KLHDC4: variants seen among roughly 807,000 people sequenced by gnomAD.
KLHDC4 encodes kelch domain containing 4.
In KLHDC4, 90 loss-of-function variants were observed where a neutral mutation model predicts 62.4. The observed-to-expected ratio is 1.44, with a 90% CI of 1.22 to 1.72. The LOEUF (loss-of-function observed/expected upper bound fraction) is 1.72, where lower values mean the gene tolerates loss of function less well. Ranked by LOEUF, KLHDC4 falls within the 40% of genes most tolerant of loss-of-function variation. The pLI is 0.00. For missense variants in KLHDC4, 1,025 were observed against 699.7 expected, an observed-to-expected ratio of 1.47 and a Z score of -5.25; for synonymous variants, 386 against 284.4, an observed-to-expected ratio of 1.36 and a Z score of -3.59.
chr16:87,711,415 A>T lies in KLHDC4; in HGVS notation c.864T>A (p.Pro288=). 2 of 1,612,822 alleles carry T rather than the reference A, an allele frequency of 1.2e-6. No individual in the cohort carries two copies. The highest frequency in any genetic ancestry group is 1.7e-6 in the Non-Finnish European group (2 of 1,179,952). ...ACCGTGGGGTGGGCTTGACCCCCGAAGGGTTCATCCGAGTCCAAACCCACT... is the reference window on the plus strand; with the variant it reads ...ACCGTGGGGTGGGCTTGACCCCCGATGGGTTCATCCGAGTCCAAACCCACT... The part of the protein sequence containing the change: ...EDKWVWTRMN[P]SGVKPTPRSG... Residue 288 remains proline, a synonymous_variant, in exon 9 of 12, where the codon CCT becomes CCA. Transcript: ENST00000270583.
chr16:87,705,031 C>A (rs942789838), downstream of KLHDC4, among the ~76,000 whole-genome samples: 1 of 152,106 alleles, frequency 6.6e-6, no homozygotes, highest in Non-Finnish European at 1.5e-5. Flanking sequence ...CAGAGTGCCT[C>A]CCCTGGTACG....
downstream of KLHDC4, chr16:87,707,705 C>T (rs1398717128): frequency 4.2e-6 from 1 of 238,568 alleles, no homozygotes; most frequent in Non-Finnish European, 8.5e-6. Flanking sequence ...AGGTTCCACC[C>T]TCCAGTGTGG....
chr16:87,765,775 C>T lies in KLHDC4; in HGVS notation c.99+17G>A. 1 of 1,564,618 alleles carries T rather than the reference C, an allele frequency of 6.4e-7. No homozygotes were observed. Among genetic ancestry groups the T allele is most frequent in the East Asian group, 2.4e-5 (1 of 42,552 alleles). ...GGCCGCGACGTCGGGCCGCTAAGCCCGGTCTGACCCGCTCACCTCCTCCTT... is the reference window on the plus strand; with the variant it reads ...GGCCGCGACGTCGGGCCGCTAAGCCTGGTCTGACCCGCTCACCTCCTCCTT... On this transcript the variant is annotated intron_variant, in intron 1 of 11. Coordinates refer to ENST00000270583, the MANE Select transcript of KLHDC4 (RefSeq NM_017566.4).
chr16:87,710,003 C>T (rs2035468743), intron 9 of KLHDC4: 1 of 292,878 alleles, frequency 3.4e-6, no homozygotes, highest in African/African-American at 2.1e-5. Context: ...GGCTCCGACG[C>T]TCACCCTGGG....
rs1171679781 is a variant in KLHDC4 at position 87,709,374 on chromosome 16, G to A, written c.1338C>T (p.Val446=). The change falls in exon 10 of 12, where the codon GTC becomes GTT. Residue 446 remains valine, a synonymous_variant. Transcript: ENST00000270583. ...MLAVKHGVLY[V]YGGMFEAGDR... Reference sequence around the variant, plus strand: ...CGCCGGCCTCAAACATGCCCCCATAGACGTAGAGCACCCCATGCTTCACAG... The same window carrying A: ...CGCCGGCCTCAAACATGCCCCCATAAACGTAGAGCACCCCATGCTTCACAG... The A allele has an allele frequency of 2.5e-6, 4 of 1,613,502 alleles. No individual in the cohort carries two copies. Among genetic ancestry groups the A allele is most frequent in the Admixed American group, 3.3e-5 (2 of 60,028 alleles).
intron 4 of KLHDC4, among the ~76,000 whole-genome samples, chr16:87,751,466 T>G (rs1406238662): frequency 1.4e-5 from 2 of 143,304 alleles, no homozygotes; most frequent in Non-Finnish European, 3.0e-5. Flanking sequence ...AGAGCAAGAC[T>G]TCATCTCAAA....
At chr16:87,712,061 C>T (rs2035992321) in intron 8 of KLHDC4, among the ~76,000 whole-genome samples, 1 of 144,940 alleles carries the variant, frequency 6.9e-6, no homozygotes, top group Non-Finnish European at 1.5e-5. Flanking sequence ...CCGGGGGCTG[C>T]AGTGTGGCCA....
At chr16:87,703,598 C>T (rs532440431), downstream of KLHDC4, among the ~76,000 whole-genome samples, 142 of 152,382 alleles carry the variant, frequency 9.3e-4, no homozygotes, top group African/African-American at 1.7e-3. Context: ...TGTAAACCTG[C>T]GCTTCTCACC....
intron 7 of KLHDC4, among the ~76,000 whole-genome samples, chr16:87,715,348 G>A (rs2036736521): frequency 1.3e-5 from 2 of 152,094 alleles, no homozygotes; most frequent in South Asian, 4.2e-4. Context: ...CCACACCAAT[G>A]TCCTCCCAGC....
At chr16:87,706,184 G>T (rs550528142), downstream of KLHDC4, among the ~76,000 whole-genome samples, 13 of 124,728 alleles carry the variant, frequency 1.0e-4, no homozygotes, top group South Asian at 5.8e-4. Context: ...CAGCCCTCGG[G>T]GGGGGGTCAG....
chr16:87,734,452 C>A (rs1349475642), intron 5 of KLHDC4, among the ~76,000 whole-genome samples: 1 of 152,192 alleles, frequency 6.6e-6, no homozygotes, highest in East Asian at 1.9e-4. Context: ...ACCACATCAT[C>A]AGGGTGACTG....
chr16:87,737,590 CT>C (rs10709997), intron 5 of KLHDC4, among the ~76,000 whole-genome samples: 69,714 of 130,080 alleles, frequency 0.54, 17,887 homozygotes, highest in African/African-American at 0.62. Context: ...ACAAATCAGT[CT>C]TTTTTTTTTT....
chr16:87,703,186 T>TGCTGTGAGCAGGAATCGC (rs1158882361), downstream of KLHDC4: 9 of 152,050 alleles, frequency 5.9e-5, no homozygotes, highest in Non-Finnish European at 8.8e-5. Context: ...GCAGGAAACG[T>TGCTGTGAGCAGGAATCGC]GCTGTGAGCA....
intron 5 of KLHDC4, among the ~76,000 whole-genome samples, chr16:87,735,670 T>C (rs1597621586): frequency 1.3e-5 from 2 of 152,374 alleles, no homozygotes; most frequent in Middle Eastern, 3.4e-3. Context: ...AAAAAGCCCA[T>C]TTATATTTGA....
chr16:87,701,670 G>A (rs879292348), exon 1 of KLHDC4: 1 of 456,400 alleles, frequency 2.2e-6, no homozygotes, highest in Non-Finnish European at 4.4e-6. Flanking sequence ...GTCCACTCCT[G>A]GCATTTGGGA....
intron 5 of KLHDC4, chr16:87,741,086 A>G (rs1416182938): frequency 1.3e-5 from 2 of 152,202 alleles, no homozygotes; most frequent in Non-Finnish European, 2.9e-5. Flanking sequence ...CGTCAAGTAT[A>G]TGTGTCTGTT....
At chr16:87,756,621 G>A (rs2044966340) in intron 2 of KLHDC4, 144 bp from the exon 3 acceptor site, 1 of 602,280 alleles carries the variant, frequency 1.7e-6, no homozygotes, top group Non-Finnish European at 3.0e-6. Context: ...GAGAAAGGAA[G>A]CAAAGGTGCC....
chr16:87,728,391 C>T (rs944284202), intron 6 of KLHDC4, among the ~76,000 whole-genome samples: 1 of 152,034 alleles, frequency 6.6e-6, no homozygotes, highest in African/African-American at 2.4e-5. Flanking sequence ...CTACTTTGCA[C>T]GTAAGATAAA....
intron 7 of KLHDC4, among the ~76,000 whole-genome samples, chr16:87,716,822 C>T (rs1002164768): frequency 2.7e-4 from 41 of 152,156 alleles, no homozygotes; most frequent in Non-Finnish European, 5.4e-4. Context: ...GTCCCAGCTA[C>T]TGGGGAGGCT....
Sources: allele counts gnomAD v4.1 joint callset (sites outside exome capture counted in the v4.1 genomes callset), GRCh38; gene constraint gnomAD v4.1.1; transcripts MANE v1.5; gene names NCBI Gene and HGNC (gene_info 2026-07-23, HGNC 2026-07-21).